Variants in PMFBP1 observed in about 807,000 individuals in gnomAD.
PMFBP1 encodes polyamine-modulated factor 1-binding protein 1.
PMFBP1 carries 131 observed loss-of-function variants against 137.8 expected under a neutral mutation model. The observed-to-expected ratio is 0.95, with a 90% CI of 0.82 to 1.10. PMFBP1 has a LOEUF of 1.10. PMFBP1 is among the 50% of genes least tolerant of loss of function. PMFBP1 has a pLI of 0.00. For missense variants in PMFBP1, 1,199 were observed against 1,175.4 expected (o/e 1.02, Z -0.29); for synonymous variants, 490 against 450.4 (o/e 1.09, Z -1.11).
chr16:72,150,511 G>T, intron 5 of PMFBP1, 97 bp downstream of exon 5: 1 of 1,199,662 alleles, frequency 8.3e-7, no homozygotes, highest in Non-Finnish European at 1.2e-6. Context: ...TCTGGGTAAA[G>T]GTTTGGGTTT....
At chr16:72,211,698 A>G in the PMFBP1 span, among the ~76,000 whole-genome samples, 51,824 of 152,118 alleles carry the variant, frequency 0.34, 9,654 homozygotes, top group African/African-American at 0.5. Flanking sequence ...TAGAATTTAA[A>G]AATAGAATTT....
In PMFBP1 at chr16:72,130,352, C is replaced by G; in HGVS notation, c.1643G>C (p.Arg548Pro). 6.2e-7 allele frequency: 1 copy of G among 1,614,166 alleles called. No homozygotes were observed. Among genetic ancestry groups the G allele is most frequent in the Non-Finnish European group, 8.5e-7 (1 of 1,180,038 alleles). Residue 548 changes from arginine (R) to proline (P), a missense_variant, in exon 12 of 21, where the codon CGG (arginine) becomes CCG (proline). Physicochemically the swap from Arg to Pro is moderately radical, Grantham distance 103. Coordinates refer to ENST00000237353, the MANE Select transcript of PMFBP1 (RefSeq NM_031293.3). ...GAGTTCTAATGACAGCTCCTCCACC[C>G]GTTTTCTAAAGCAAAATAACAGCCA... ...AEKEQTSNRK[R>P]VEELSLELSE...
At chr16:72,230,756 A>G in the PMFBP1 span, among the ~76,000 whole-genome samples, 1 of 152,072 alleles carries the variant, frequency 6.6e-6, no homozygotes, top group Non-Finnish European at 1.5e-5. Flanking sequence ...TCTCCTCCTC[A>G]GCTGTCGCTA....
In PMFBP1 at chr16:72,119,435, C is replaced by G. The variant is rs574593388; in HGVS notation, c.3008-81G>C. ...ATTCCTCAAGGGCTGGCCGCATGGC[C>G]AGGCAGCTCTGCTGCAGGGTGACTT... On this transcript the variant is annotated intron_variant, in intron 20 of 20. Coordinates refer to ENST00000237353, the MANE Select transcript of PMFBP1 (RefSeq NM_031293.3). 3,965 of 1,611,936 alleles carry G rather than the reference C, an allele frequency of 2.5e-3. 7 individuals carry two copies. Among genetic ancestry groups the G allele is most frequent in the Non-Finnish European group, 3.2e-3 (3,808 of 1,179,060 alleles).
chr16:72,223,918 T>C, the PMFBP1 span, among the ~76,000 whole-genome samples: 1 of 152,186 alleles, frequency 6.6e-6, no homozygotes, highest in Non-Finnish European at 1.5e-5. Context: ...CAGAGATCTA[T>C]TGAAGGGCAA....
At chr16:72,171,720 C>T (rs191880790) in intron 1 of PMFBP1, 1 of 153,140 alleles carries the variant, frequency 6.5e-6, no homozygotes, top group African/African-American at 2.4e-5. Context: ...CCCAGAGAGG[C>T]TAAGTGACTT....
the PMFBP1 span, among the ~76,000 whole-genome samples, chr16:72,242,889 G>A: frequency 6.6e-6 from 1 of 152,176 alleles, no homozygotes; most frequent in East Asian, 1.9e-4. Context: ...AAGGGGAGGA[G>A]GGAACTGGAA....
At chr16:72,190,775 A>G in the PMFBP1 span, among the ~76,000 whole-genome samples, 1 of 152,150 alleles carries the variant, frequency 6.6e-6, no homozygotes, top group Non-Finnish European at 1.5e-5. Context: ...TTGGGGCACA[A>G]TGTAATTATT....
chr16:72,143,675 G>A (rs563174263), intron 5 of PMFBP1, among the ~76,000 whole-genome samples: 5 of 152,102 alleles, frequency 3.3e-5, no homozygotes, highest in East Asian at 3.9e-4. Context: ...CCCAAGAGGC[G>A]GAGGTTGCAG....
At chr16:72,177,937 G>A (rs2043264207), upstream of PMFBP1, among the ~76,000 whole-genome samples, 1 of 151,980 alleles carries the variant, frequency 6.6e-6, no homozygotes, top group African/African-American at 2.4e-5. Context: ...TGTTGCCCAG[G>A]CTGGAGTGCA....
At chr16:72,174,497 C>T (rs2043249496), upstream of PMFBP1, among the ~76,000 whole-genome samples, 1 of 152,210 alleles carries the variant, frequency 6.6e-6, no homozygotes, top group South Asian at 2.1e-4. Context: ...GGCATCTCTC[C>T]TAGCTAGAGT....
chr16:72,136,308 G>A, intron 9 of PMFBP1, 140 bp downstream of exon 9: 1 of 914,092 alleles, frequency 1.1e-6, no homozygotes, highest in South Asian at 1.6e-5. Context: ...TTGAGCCTGG[G>A]CCTGAAGAGC....
At chr16:72,243,345 T>C in the PMFBP1 span, among the ~76,000 whole-genome samples, 1 of 152,184 alleles carries the variant, frequency 6.6e-6, no homozygotes, top group African/African-American at 2.4e-5. Context: ...TGCAGCACTT[T>C]GGGAGGATTT....
the PMFBP1 span, among the ~76,000 whole-genome samples, chr16:72,226,070 G>T: frequency 6.6e-6 from 1 of 151,930 alleles, no homozygotes; most frequent in South Asian, 2.1e-4. Flanking sequence ...TATTCCCACT[G>T]AACATGGTCA....
chr16:72,225,934 GACACACAC>G, the PMFBP1 span, among the ~76,000 whole-genome samples: 58 of 140,762 alleles, frequency 4.1e-4, no homozygotes, highest in Middle Eastern at 7.2e-3. Context: ...CACACTCACA[GACACACAC>G]ACACACACAC....
chr16:72,222,368 A>C, the PMFBP1 span, among the ~76,000 whole-genome samples: 1 of 152,164 alleles, frequency 6.6e-6, no homozygotes, highest in Non-Finnish European at 1.5e-5. Context: ...GCCTCAAACT[A>C]GAAAGGCTTT....
At chr16:72,144,053 T>A (rs1267989717) in intron 5 of PMFBP1, among the ~76,000 whole-genome samples, 2 of 151,596 alleles carry the variant, frequency 1.3e-5, no homozygotes, top group East Asian at 3.9e-4. Flanking sequence ...AAAAAAAAAA[T>A]TAATAAAATT....
chr16:72,180,422 C>T (rs2043272101), upstream of PMFBP1, among the ~76,000 whole-genome samples: 1 of 152,156 alleles, frequency 6.6e-6, no homozygotes, highest in Non-Finnish European at 1.5e-5. Flanking sequence ...CATCATGTCT[C>T]ATTGCCAAAC....
At chr16:72,119,430 A>C in intron 20 of PMFBP1, 76 bp from the exon 21 acceptor site, 1 of 1,612,488 alleles carries the variant, frequency 6.2e-7, no homozygotes, top group Non-Finnish European at 8.5e-7. Context: ...GGCTGGCCGC[A>C]TGGCCAGGCA....
Sources: allele counts gnomAD v4.1 joint callset (sites outside exome capture counted in the v4.1 genomes callset), GRCh38; gene constraint gnomAD v4.1.1; transcripts MANE v1.5; gene names NCBI Gene and HGNC (gene_info 2026-07-23, HGNC 2026-07-21).